PHAF1: variants seen among roughly 807,000 people sequenced by gnomAD.
The protein encoded by PHAF1 is phagosome assembly factor 1.
A neutral mutation model predicts 63.1 loss-of-function variants in PHAF1; 23 were observed. The observed-to-expected ratio is 0.36, with a 90% CI of 0.26 to 0.52. The LOEUF is 0.52. Ranked by LOEUF, PHAF1 falls within the 20% of genes least tolerant of loss-of-function variation. The pLI, the probability that PHAF1 is intolerant of heterozygous loss-of-function variation, is 0.93. For missense variants in PHAF1, 427 were observed against 517.2 expected, an observed-to-expected ratio of 0.83 and a Z score of 1.69; for synonymous variants, 167 against 185.0, an observed-to-expected ratio of 0.90 and a Z score of 0.79.
intron 2 of PHAF1, among the ~76,000 whole-genome samples, chr16:67,122,981 G>A (rs565468156): frequency 3.3e-5 from 5 of 151,750 alleles, no homozygotes; most frequent in Non-Finnish European, 7.4e-5. Flanking sequence ...CGCCCGTCTT[G>A]TCCTCCCAAA....
chr16:67,147,008 C>A, intron 15 of PHAF1, 37 bp from the exon 16 acceptor site: 1 of 1,554,560 alleles, frequency 6.4e-7, no homozygotes, highest in Non-Finnish European at 8.9e-7. Context: ...ATCCCTTTAC[C>A]TCTCCCCCTT....
chr16:67,133,779 CAAA>C (rs534311560), intron 6 of PHAF1, among the ~76,000 whole-genome samples: 1 of 103,130 alleles, frequency 9.7e-6, no homozygotes. Flanking sequence ...GACTCCGTCT[CAAA>C]AAAAAAAAAA....
intron 8 of PHAF1, among the ~76,000 whole-genome samples, chr16:67,136,647 A>G (rs925562030): frequency 7.1e-6 from 1 of 139,902 alleles, no homozygotes; most frequent in East Asian, 2.1e-4. Flanking sequence ...CAGTGGCATC[A>G]TCATAGCTAA....
rs1319506154 is a variant in PHAF1 at position 67,145,610 on chromosome 16, A to G, written c.1091A>G (p.Lys364Arg). The change falls in exon 14 of 16, where the codon AAG becomes AGG. Residue 364 changes from lysine to arginine, a missense_variant. By Grantham distance (26) the Lys-to-Arg change is conservative. Coordinates refer to ENST00000219139, the MANE Select transcript of PHAF1 (RefSeq NM_025187.5). ...GAGCTCCTGGGCCACCCTGTGGAGA[A>G]GCCTGTTGTCCTGCACAGGTGAGTG... ...IQELLGHPVE[K>R]PVVLHRSSSP... is the part of the protein sequence containing the mutation. The G allele has an allele frequency of 1.2e-6, 2 of 1,613,876 alleles. No homozygotes were observed. Among genetic ancestry groups the G allele is most frequent in the Non-Finnish European group, 1.7e-6 (2 of 1,179,964 alleles).
At position 67,148,145 on chromosome 16, in the gene PHAF1, GATAC is replaced by G. The variant is rs1412787018; in HGVS notation, c.*1018_*1021del. 6.5e-6 allele frequency: 1 copy of G among 152,702 alleles called. No individual in the cohort carries two copies. Among genetic ancestry groups the G allele is most frequent in the East Asian group, 1.9e-4 (1 of 5,204 alleles). 9.5% of individuals were successfully genotyped at this position (152,702 alleles called of 1,614,324 possible). A position where few individuals can be genotyped will look rare whatever the true frequency, so the allele number is the denominator to read the frequency against. On this transcript the variant is annotated 3_prime_UTR_variant, in exon 16 of 16. Coordinates refer to ENST00000219139, the MANE Select transcript of PHAF1 (RefSeq NM_025187.5). ...TTAATATTTTGGTCTAGCAACTTGT[GATAC>G]ATAGATGACAATTTTGTGAGTTTTT... is the stretch of plus-strand genomic sequence containing the variant.
At chr16:67,134,890 CA>C (rs1271531105) in intron 8 of PHAF1, 1 of 353,500 alleles carries the variant, frequency 2.8e-6, no homozygotes, top group Non-Finnish European at 5.6e-6. Context: ...TTTAGGGGAA[CA>C]AAAGCATTCA....
chr16:67,115,931 T>C (rs1962715836), intron 1 of PHAF1, among the ~76,000 whole-genome samples: 1 of 152,160 alleles, frequency 6.6e-6, no homozygotes, highest in Non-Finnish European at 1.5e-5. Flanking sequence ...GACGGGAGGA[T>C]AGCTTGAGCT....
At chr16:67,131,801 G>A (rs1963411849) in intron 4 of PHAF1, among the ~76,000 whole-genome samples, 1 of 152,138 alleles carries the variant, frequency 6.6e-6, no homozygotes, top group Non-Finnish European at 1.5e-5. Context: ...ACAGTCCAAA[G>A]TTGTTGCGCC....
chr16:67,134,300 C>T, intron 7 of PHAF1, 35 bp downstream of exon 7: 1 of 1,607,498 alleles, frequency 6.2e-7, no homozygotes, highest in Middle Eastern at 1.7e-4. Context: ...TTGCTAAGGC[C>T]TGGGCTGCCT....
intron 1 of PHAF1, among the ~76,000 whole-genome samples, chr16:67,111,389 G>A (rs1262877432): frequency 6.6e-6 from 1 of 152,180 alleles, no homozygotes; most frequent in Non-Finnish European, 1.5e-5. Flanking sequence ...AAGAAAAGGG[G>A]GTGGGGTAGG....
Position 67,147,490 on chromosome 16 carries a change from A to T in PHAF1, c.*359A>T. 1 of 248,308 alleles carries T rather than the reference A, an allele frequency of 4.0e-6. No individual in the cohort carries two copies. Among genetic ancestry groups the T allele is most frequent in the Non-Finnish European group, 7.7e-6 (1 of 129,688 alleles). The allele number at this position is 248,308 out of a possible 1,614,324, so 15.4% of individuals were successfully genotyped here. A position where few individuals can be genotyped will look rare whatever the true frequency, so the allele number is the denominator to read the frequency against. On this transcript the variant is annotated 3_prime_UTR_variant, in exon 16 of 16. Transcript: ENST00000219139. ...GGGCTCTTTCTGTGACTGAGGACAC[A>T]GGCACCCAGGATAAGGACAAGGTCC...
chr16:67,112,549 A>C (rs1311529649), intron 1 of PHAF1, among the ~76,000 whole-genome samples: 1 of 151,966 alleles, frequency 6.6e-6, no homozygotes, highest in Non-Finnish European at 1.5e-5. Context: ...GAGACAAAAA[A>C]AAAAAGTAGT....
intron 2 of PHAF1, among the ~76,000 whole-genome samples, chr16:67,122,972 G>A (rs532007584): frequency 7.9e-5 from 12 of 151,924 alleles, no homozygotes; most frequent in East Asian, 3.9e-4. Context: ...CAAGTGATCC[G>A]CCCGTCTTGT....
intron 8 of PHAF1, among the ~76,000 whole-genome samples, chr16:67,138,847 G>C (rs2012555167): frequency 6.6e-6 from 1 of 152,144 alleles, no homozygotes; most frequent in African/African-American, 2.4e-5. Flanking sequence ...AGTAATGCAT[G>C]CTTCACTCTA....
intron 2 of PHAF1, among the ~76,000 whole-genome samples, chr16:67,122,136 G>A (rs1442751343): frequency 2.0e-5 from 3 of 152,064 alleles, no homozygotes; most frequent in Non-Finnish European, 4.4e-5. Context: ...CTGGACTCAA[G>A]TGATCCTCCC....
intron 3 of PHAF1, among the ~76,000 whole-genome samples, chr16:67,126,602 T>G (rs1485566999): frequency 1.3e-5 from 2 of 150,402 alleles, no homozygotes; most frequent in Non-Finnish European, 3.0e-5. Context: ...TTGGTTTTTT[T>G]TTTTTTTTTT....
intron 2 of PHAF1, among the ~76,000 whole-genome samples, chr16:67,125,116 T>C (rs1274475525): frequency 6.6e-6 from 1 of 152,114 alleles, no homozygotes; most frequent in Non-Finnish European, 1.5e-5. Context: ...GGTATTGGGC[T>C]AGATGCTTTC....
At position 67,120,137 on chromosome 16, in the gene PHAF1, C is replaced by G. The variant is rs1962913401; in HGVS notation, c.90C>G (p.Ala30=). The change falls in exon 2 of 16, where the codon GCC becomes GCG. Residue 30 remains alanine (A), a synonymous_variant. Transcript: ENST00000219139. Reference sequence around the variant, plus strand: ...GAATGCCTCTGGCTCAGGCAGTAGCCATTCTTCAGAAGCACTGTCGCATCA... The same window carrying G: ...GAATGCCTCTGGCTCAGGCAGTAGCGATTCTTCAGAAGCACTGTCGCATCA... ...TLGMPLAQAV[A]ILQKHCRIIK... is the part of the protein sequence containing the mutation. 1 of 1,612,606 alleles carries G rather than the reference C, an allele frequency of 6.2e-7. No individual in the cohort carries two copies. Among genetic ancestry groups the G allele is most frequent in the Admixed American group, 1.7e-5 (1 of 59,956 alleles).
chr16:67,123,660 G>A (rs1963073561), intron 2 of PHAF1, among the ~76,000 whole-genome samples: 3 of 152,040 alleles, frequency 2.0e-5, no homozygotes, highest in African/African-American at 4.8e-5. Flanking sequence ...CGCCTGCCAC[G>A]ACCTCCCAAA....
Sources: allele counts gnomAD v4.1 joint callset (sites outside exome capture counted in the v4.1 genomes callset), GRCh38; gene constraint gnomAD v4.1.1; transcripts MANE v1.5; gene names NCBI Gene and HGNC (gene_info 2026-07-23, HGNC 2026-07-21).